Variants in ATP11B observed in about 807,000 individuals in gnomAD.
The protein encoded by ATP11B is ATPase phospholipid transporting 11B (putative), also known as phospholipid-transporting ATPase IF.
In ATP11B, 81 loss-of-function variants were observed where a neutral mutation model predicts 157.8. That is an observed-to-expected ratio of 0.51 (90% CI 0.43 to 0.62). ATP11B has a LOEUF of 0.62. Among genes scored for constraint, ATP11B ranks in the 20% least tolerant of loss-of-function variants. ATP11B has a pLI of 0.00. For synonymous variants in ATP11B, 451 were observed against 469.4 expected, an observed-to-expected ratio of 0.96 and a Z score of 0.51; for missense variants, 1,165 against 1,402.2, an observed-to-expected ratio of 0.83 and a Z score of 2.70.
At chr3:182,848,836 A>C (rs1719742899) in intron 10 of ATP11B, among the ~76,000 whole-genome samples, 2 of 152,344 alleles carry the variant, frequency 1.3e-5, no homozygotes, top group African/African-American at 2.4e-5. Context: ...AACTGAAAAA[A>C]AAATTTAAAT....
At chr3:182,799,233 T>C (rs1715821195) in intron 1 of ATP11B, among the ~76,000 whole-genome samples, 2 of 152,202 alleles carry the variant, frequency 1.3e-5, no homozygotes, top group Non-Finnish European at 2.9e-5. Context: ...TGCTGTTTAT[T>C]CTTCATTTTG....
intron 1 of ATP11B, among the ~76,000 whole-genome samples, chr3:182,817,569 GC>G (rs1372765020): frequency 1.3e-5 from 2 of 152,144 alleles, no homozygotes; most frequent in Non-Finnish European, 2.9e-5. Context: ...ATGAGCCACC[GC>G]CCCCAGCCAG....
At position 182,913,841 on chromosome 3, in the gene ATP11B, T is replaced by C. The variant is rs551865188; in HGVS notation, c.3319-20T>C. 9.6e-5 allele frequency: 155 copies of C among 1,614,008 alleles called. 2 individuals are homozygous for C. The South Asian group carries it at 1.6e-3, about 17-fold the overall frequency. On this transcript the variant is annotated intron_variant, in intron 28 of 29. Coordinates refer to ENST00000323116, the MANE Select transcript of ATP11B (RefSeq NM_014616.3). ...TCCATATCTTTAAACAACTGATGTTTTCTGCTTCACCTCCCGCAGCTTACT... is the reference window on the plus strand; with the variant it reads ...TCCATATCTTTAAACAACTGATGTTCTCTGCTTCACCTCCCGCAGCTTACT...
At chr3:182,819,781 G>C (rs1717213157) in intron 1 of ATP11B, among the ~76,000 whole-genome samples, 1 of 152,184 alleles carries the variant, frequency 6.6e-6, no homozygotes, top group Non-Finnish European at 1.5e-5. Context: ...TTTGCCATCA[G>C]ATGTGGTAGG....
intron 28 of ATP11B, among the ~76,000 whole-genome samples, chr3:182,911,704 T>A (rs1724808015): frequency 6.6e-6 from 1 of 152,132 alleles, no homozygotes; most frequent in South Asian, 2.1e-4. Flanking sequence ...TTCCTTACCT[T>A]TAGCTCACCG....
At chr3:182,844,286 A>C (rs1719292303) in intron 8 of ATP11B, 1 of 152,182 alleles carries the variant, frequency 6.6e-6, no homozygotes. Context: ...CTATCCATGG[A>C]GTGTACTCCA....
At chr3:182,826,153 G>C (rs890457961) in intron 2 of ATP11B, among the ~76,000 whole-genome samples, 1 of 152,142 alleles carries the variant, frequency 6.6e-6, no homozygotes, top group Non-Finnish European at 1.5e-5. Flanking sequence ...AATAGGACAA[G>C]CACAGAATTT....
intron 1 of ATP11B, 64 bp from the exon 2 acceptor site, chr3:182,820,196 A>G (rs1184707514): frequency 1.9e-6 from 2 of 1,053,516 alleles, no homozygotes; most frequent in Non-Finnish European, 3.0e-6. Context: ...TAAAGCTAAC[A>G]GTAAAGTATC....
At chr3:182,838,463 C>CT (rs941109494) in intron 7 of ATP11B, among the ~76,000 whole-genome samples, 2 of 151,906 alleles carry the variant, frequency 1.3e-5, no homozygotes, top group African/African-American at 4.8e-5. Context: ...TTTGAAAAAA[C>CT]TTTTTTAAAT....
At chr3:182,808,863 C>A (rs931929235) in intron 1 of ATP11B, among the ~76,000 whole-genome samples, 1 of 152,158 alleles carries the variant, frequency 6.6e-6, no homozygotes, top group Non-Finnish European at 1.5e-5. Flanking sequence ...GCGTTTGTTA[C>A]ACCAATATTG....
intron 17 of ATP11B, among the ~76,000 whole-genome samples, chr3:182,870,611 T>C (rs1329148168): frequency 6.6e-6 from 1 of 152,252 alleles, no homozygotes; most frequent in African/African-American, 2.4e-5. Flanking sequence ...GTTTTTTAAC[T>C]ATTAATTAAA....
chr3:182,807,356 T>A (rs763646826), intron 1 of ATP11B, among the ~76,000 whole-genome samples: 2 of 152,016 alleles, frequency 1.3e-5, no homozygotes, highest in African/African-American at 2.4e-5. Flanking sequence ...GAAAAAAAAA[T>A]GATCAAGAGT....
intron 28 of ATP11B, among the ~76,000 whole-genome samples, chr3:182,908,191 A>ATTTTATT (rs1724508207): frequency 1.0e-5 from 1 of 95,932 alleles, no homozygotes; most frequent in Non-Finnish European, 2.1e-5. Flanking sequence ...TCATATTATT[A>ATTTTATT]TTTTCTTTTT....
chr3:182,877,268 A>G (rs1412326092), intron 19 of ATP11B, among the ~76,000 whole-genome samples: 2 of 152,204 alleles, frequency 1.3e-5, no homozygotes, highest in East Asian at 1.9e-4. Flanking sequence ...TGAACAACCA[A>G]TGACTGTGTT....
chr3:182,806,950 A>G (rs1324323348), intron 1 of ATP11B, among the ~76,000 whole-genome samples: 1 of 152,108 alleles, frequency 6.6e-6, no homozygotes, highest in Non-Finnish European at 1.5e-5. Context: ...GTTGAACTTC[A>G]AACTGCTTAT....
chr3:182,884,536 C>G (rs922213519), intron 21 of ATP11B, among the ~76,000 whole-genome samples: 2 of 151,896 alleles, frequency 1.3e-5, no homozygotes, highest in Non-Finnish European at 2.9e-5. Context: ...TATTCTAATT[C>G]TTTGGAAATT....
chr3:182,824,750 C>T (rs1717602972), intron 2 of ATP11B, among the ~76,000 whole-genome samples: 1 of 152,188 alleles, frequency 6.6e-6, no homozygotes, highest in South Asian at 2.1e-4. Context: ...AGGACTGTCT[C>T]ATTACTACCT....
intron 12 of ATP11B, among the ~76,000 whole-genome samples, chr3:182,864,011 A>G (rs1008194475): frequency 3.9e-5 from 6 of 152,074 alleles, no homozygotes; most frequent in Non-Finnish European, 7.4e-5. Flanking sequence ...AAAGTATTCT[A>G]TCTCTTATTT....
chr3:182,893,339 C>G (rs1723300845), intron 25 of ATP11B, among the ~76,000 whole-genome samples: 1 of 151,996 alleles, frequency 6.6e-6, no homozygotes, highest in Admixed American at 6.5e-5. Flanking sequence ...ATTCCTCACC[C>G]CCTCCCACCC....
Sources: allele counts gnomAD v4.1 joint callset (sites outside exome capture counted in the v4.1 genomes callset), GRCh38; gene constraint gnomAD v4.1.1; transcripts MANE v1.5; gene names NCBI Gene and HGNC (gene_info 2026-07-23, HGNC 2026-07-21).